Variants in SNAP29 observed in about 807,000 individuals in gnomAD.
The protein encoded by SNAP29 is synaptosome associated protein 29.
In SNAP29, 13 loss-of-function variants were observed where a neutral mutation model predicts 27.9. The observed-to-expected ratio is 0.47, with a 90% CI of 0.30 to 0.74. SNAP29 has a LOEUF of 0.74. Among genes scored for constraint, SNAP29 ranks in the 30% least tolerant of loss-of-function variants. The probability of loss-of-function intolerance (pLI) is 0.06; values close to 1 mark genes in which losing one functional copy is unlikely to be tolerated. For missense variants in SNAP29, 368 were observed against 336.5 expected (o/e 1.09, Z -0.73); for synonymous variants, 119 against 127.1 (o/e 0.94, Z 0.43).
rs746213222 is a variant in SNAP29 at position 20,881,121 on chromosome 22, G to A, written c.507G>A (p.Lys169=). The change falls in exon 3 of 5, where the codon AAG becomes AAA. Residue 169 remains lysine (K), a synonymous_variant. Transcript: ENST00000215730. ...AGGCCAGCCACCCAAACCTTAGAAA[G>A]CTGGATGATACAGGTAAGTGGATAC... The part of the protein sequence containing the change: ...KYQASHPNLR[K]LDDTDPVPRG... 1 of 1,609,294 alleles carries A rather than the reference G, an allele frequency of 6.2e-7. No individual in the cohort carries two copies. The highest frequency in any genetic ancestry group is 1.3e-5 in the African/African-American group (1 of 74,830).
intron 2 of SNAP29, among the ~76,000 whole-genome samples, chr22:20,873,877 G>C (rs1006310217): frequency 4.9e-5 from 7 of 141,792 alleles, no homozygotes; most frequent in African/African-American, 1.8e-4. Context: ...CTGAGGAGGA[G>C]AATCCCTTAA....
At chr22:20,860,408 C>T (rs1254338222) in intron 1 of SNAP29, among the ~76,000 whole-genome samples, 1 of 147,158 alleles carries the variant, frequency 6.8e-6, no homozygotes, top group Non-Finnish European at 1.5e-5. Context: ...CTCGCTCTGT[C>T]GCCCTTGCTT....
At chr22:20,874,997 C>T (rs1928706092) in intron 2 of SNAP29, among the ~76,000 whole-genome samples, 1 of 152,090 alleles carries the variant, frequency 6.6e-6, no homozygotes, top group African/African-American at 2.4e-5. Flanking sequence ...CTTCCACATC[C>T]TACATACCTC....
chr22:20,860,378 T>C (rs1319384992), intron 1 of SNAP29, among the ~76,000 whole-genome samples: 3 of 150,076 alleles, frequency 2.0e-5, no homozygotes, highest in South Asian at 4.2e-4. Flanking sequence ...TTTCTTTTTT[T>C]TTTTTTTTTG....
intron 1 of SNAP29, among the ~76,000 whole-genome samples, chr22:20,861,961 G>A (rs1359307345): frequency 6.6e-6 from 1 of 152,164 alleles, no homozygotes; most frequent in Non-Finnish European, 1.5e-5. Flanking sequence ...AGTAGAGACA[G>A]GTTTCGCCAT....
At chr22:20,875,571 G>A (rs1207460689) in intron 2 of SNAP29, among the ~76,000 whole-genome samples, 1 of 152,156 alleles carries the variant, frequency 6.6e-6, no homozygotes, top group Non-Finnish European at 1.5e-5. Flanking sequence ...GGTTTTGAGG[G>A]AACCCACCAA....
intron 4 of SNAP29, 22 bp from the exon 5 acceptor site, chr22:20,887,657 G>C: frequency 6.2e-7 from 1 of 1,614,054 alleles, no homozygotes; most frequent in Non-Finnish European, 8.5e-7. Context: ...TCATGCCTGC[G>C]TGTCATTTCC....
At chr22:20,862,397 G>T (rs1198873415) in intron 1 of SNAP29, among the ~76,000 whole-genome samples, 1 of 152,174 alleles carries the variant, frequency 6.6e-6, no homozygotes, top group Non-Finnish European at 1.5e-5. Flanking sequence ...ATGTTCTTAG[G>T]GAAGACAGGA....
At chr22:20,875,944 G>A (rs566364781) in intron 2 of SNAP29, among the ~76,000 whole-genome samples, 86 of 151,782 alleles carry the variant, frequency 5.7e-4, no homozygotes, top group Non-Finnish European at 1.1e-3. Context: ...GGCGGATCAC[G>A]AGGTCAGGAG....
chr22:20,863,438 CT>C (rs1928380563), intron 1 of SNAP29, among the ~76,000 whole-genome samples: 1 of 152,182 alleles, frequency 6.6e-6, no homozygotes, highest in Non-Finnish European at 1.5e-5. Flanking sequence ...AGGAAAATGG[CT>C]TAGTTAAGTC....
intron 2 of SNAP29, among the ~76,000 whole-genome samples, chr22:20,878,553 G>A (rs575561311): frequency 6.6e-6 from 1 of 152,182 alleles, no homozygotes; most frequent in South Asian, 2.1e-4. Context: ...ACTCCAGCCT[G>A]GGTGACAGAG....
chr22:20,887,059 T>C (rs1372686453), intron 4 of SNAP29, among the ~76,000 whole-genome samples: 1 of 151,956 alleles, frequency 6.6e-6, no homozygotes, highest in African/African-American at 2.4e-5. Context: ...CTATCTCTAC[T>C]AAAAATACAA....
At chr22:20,870,703 C>T (rs1928571214) in intron 2 of SNAP29, 170 bp downstream of exon 2, 2 of 692,596 alleles carry the variant, frequency 2.9e-6, no homozygotes, top group Non-Finnish European at 5.2e-6. Context: ...CTGTTCTTCC[C>T]TGATCCCATG....
chr22:20,867,246 G>A (rs532457335), intron 1 of SNAP29, among the ~76,000 whole-genome samples: 2 of 152,138 alleles, frequency 1.3e-5, no homozygotes, highest in African/African-American at 4.8e-5. Flanking sequence ...GGGCACCTGC[G>A]GAGCTCACTC....
intron 4 of SNAP29, among the ~76,000 whole-genome samples, chr22:20,887,126 G>A (rs1267057524): frequency 6.6e-6 from 1 of 151,698 alleles, no homozygotes; most frequent in East Asian, 1.9e-4. Flanking sequence ...TCAGGAGGCT[G>A]AGGCAGAAGA....
In SNAP29 at chr22:20,860,907, C is replaced by T. The variant is rs1218820569; in HGVS notation, c.237+1560C>T. Among the ~76,000 whole-genome samples the T allele has an allele frequency of 2.0e-5, 3 of 149,650 alleles. No individual in the cohort carries two copies. The East Asian group carries it at 5.8e-4, about 29-fold the overall frequency. ...GAAAAATTAGCCAGGCATGGTGGCA[C>T]ACACATGTGAGTGCAGCTACTGAGG... is the stretch of plus-strand genomic sequence containing the variant. On this transcript the variant is annotated intron_variant, in intron 1 of 4. Transcript: ENST00000215730.
intron 1 of SNAP29, among the ~76,000 whole-genome samples, chr22:20,867,764 C>T (rs1249150682): frequency 1.3e-5 from 2 of 152,188 alleles, no homozygotes; most frequent in African/African-American, 4.8e-5. Flanking sequence ...AGCACAGACT[C>T]TGGGAGTTTG....
chr22:20,877,474 T>C (rs921177152), intron 2 of SNAP29, among the ~76,000 whole-genome samples: 2 of 152,114 alleles, frequency 1.3e-5, no homozygotes, highest in Non-Finnish European at 2.9e-5. Flanking sequence ...GAGAATCGCT[T>C]GAACCAGGGA....
Position 20,889,304 on chromosome 22 carries a change from A to C in SNAP29, c.*1468A>C, listed in dbSNP as rs796619891. 2.0e-5 allele frequency: 3 copies of C among 152,194 alleles called. No individual in the cohort carries two copies. The highest frequency in any genetic ancestry group is 7.2e-5 in the African/African-American group (3 of 41,446). The allele number at this position is 152,194 out of a possible 1,614,324, so 9.4% of individuals were successfully genotyped here. A position where few individuals can be genotyped will look rare whatever the true frequency, so the allele number is the denominator to read the frequency against. ...AACAGTGCATTAGTTTTTATGTAGCAATTTGTTTATAAAAATTCCCATCCC... is the reference window on the plus strand; with the variant it reads ...AACAGTGCATTAGTTTTTATGTAGCCATTTGTTTATAAAAATTCCCATCCC... On this transcript the variant is annotated 3_prime_UTR_variant, in exon 5 of 5. Transcript: ENST00000215730.
Sources: allele counts gnomAD v4.1 joint callset (sites outside exome capture counted in the v4.1 genomes callset), GRCh38; gene constraint gnomAD v4.1.1; transcripts MANE v1.5; gene names NCBI Gene and HGNC (gene_info 2026-07-23, HGNC 2026-07-21).